RPS6KB1: variants seen among roughly 807,000 people sequenced by gnomAD.
The protein encoded by RPS6KB1 is ribosomal protein S6 kinase beta-1.
Under a neutral mutation model 70.2 loss-of-function variants are expected in RPS6KB1, and 12 were observed. That is an observed-to-expected ratio of 0.17 (90% CI 0.11 to 0.28). RPS6KB1 has a LOEUF of 0.28. Among genes scored for constraint, RPS6KB1 ranks in the 10% least tolerant of loss-of-function variants. The pLI, the probability that RPS6KB1 is intolerant of heterozygous loss-of-function variation, is 1.00. For missense variants in RPS6KB1, 270 were observed against 646.6 expected (o/e 0.42, Z 6.32); for synonymous variants, 175 against 211.2 (o/e 0.83, Z 1.49).
intron 12 of RPS6KB1, among the ~76,000 whole-genome samples, chr17:59,938,584 C>G (rs1205573041): frequency 6.6e-6 from 1 of 151,898 alleles, no homozygotes; most frequent in Non-Finnish European, 1.5e-5. Flanking sequence ...TTTCATTGAC[C>G]ATGTTCATCT....
chr17:59,900,778 A>G (rs1012177456), intron 1 of RPS6KB1, among the ~76,000 whole-genome samples: 5 of 152,102 alleles, frequency 3.3e-5, no homozygotes, highest in Non-Finnish European at 7.4e-5. Context: ...TCTGCTGCCA[A>G]GTTTTTTGTT....
intron 1 of RPS6KB1, among the ~76,000 whole-genome samples, chr17:59,906,763 C>T (rs1318158399): frequency 6.6e-6 from 1 of 151,976 alleles, no homozygotes; most frequent in African/African-American, 2.4e-5. Context: ...GGTGTGATCT[C>T]GCTCACCGCA....
At chr17:59,903,330 C>T (rs2042071041) in intron 1 of RPS6KB1, among the ~76,000 whole-genome samples, 1 of 148,930 alleles carries the variant, frequency 6.7e-6, no homozygotes, top group Non-Finnish European at 1.5e-5. Flanking sequence ...AAAAAAAGAG[C>T]CGAGCATGGT....
rs1214344803 is a variant in RPS6KB1, at chr17:59,947,726, C to T, written c.*938C>T. 10 of 666,456 alleles carry T rather than the reference C, an allele frequency of 1.5e-5. No homozygotes were observed. Among genetic ancestry groups the T allele is most frequent in the South Asian group, 1.2e-4 (7 of 57,918 alleles). The allele number at this position is 666,456 out of a possible 1,614,324, so 41.3% of individuals were successfully genotyped here. A position where few individuals can be genotyped will look rare whatever the true frequency, so the allele number is the denominator to read the frequency against. ...TCTTACACCAGTATTTGGTTCAAGACACCAAATGTCTTCAGCCCATGGCTG... is the reference window on the plus strand; with the variant it reads ...TCTTACACCAGTATTTGGTTCAAGATACCAAATGTCTTCAGCCCATGGCTG... On this transcript the variant is annotated 3_prime_UTR_variant, in exon 15 of 15. Transcript: ENST00000225577.
At chr17:59,937,830 C>T (rs1242243967) in intron 12 of RPS6KB1, among the ~76,000 whole-genome samples, 1 of 152,144 alleles carries the variant, frequency 6.6e-6, no homozygotes, top group Non-Finnish European at 1.5e-5. Flanking sequence ...ACGATTCAAC[C>T]CATAACAATA....
At chr17:59,908,369 T>A (rs1350803391) in intron 1 of RPS6KB1, among the ~76,000 whole-genome samples, 2 of 151,692 alleles carry the variant, frequency 1.3e-5, no homozygotes, top group African/African-American at 4.8e-5. Context: ...ATTTTTGTAT[T>A]TTTGTATTTT....
chr17:59,946,486 A>G lies in RPS6KB1; in HGVS notation c.1341-65A>G. ...TGTTACCCCACTCCCTTTAAACGTAAAGGAAATATGTCTTGTTGAGATGAC... is the reference window on the plus strand; with the variant it reads ...TGTTACCCCACTCCCTTTAAACGTAGAGGAAATATGTCTTGTTGAGATGAC... On this transcript the variant is annotated intron_variant, in intron 14 of 14. Transcript: ENST00000225577. This position sits in a 1 kb window ranked among gnomAD's most constrained non-coding sequence, Gnocchi z 4.2. The G allele has an allele frequency of 1.6e-6, 2 of 1,225,368 alleles. No individual in the cohort carries two copies. Among genetic ancestry groups the G allele is most frequent in the Admixed American group, 3.6e-5 (2 of 54,948 alleles). The allele number at this position is 1,225,368 out of a possible 1,614,324, so 75.9% of individuals were successfully genotyped here.
At chr17:59,927,166 T>C (rs962209883) in intron 5 of RPS6KB1, among the ~76,000 whole-genome samples, 1 of 152,124 alleles carries the variant, frequency 6.6e-6, no homozygotes, top group African/African-American at 2.4e-5. Context: ...CACTGCAACC[T>C]CTGCCTCCTG....
At chr17:59,904,598 T>C (rs1388987494) in intron 1 of RPS6KB1, among the ~76,000 whole-genome samples, 1 of 151,974 alleles carries the variant, frequency 6.6e-6, no homozygotes, top group African/African-American at 2.4e-5. Context: ...TTTGCCATGT[T>C]GGCCAGGCTG....
chr17:59,926,127 C>G (rs1287858331), intron 4 of RPS6KB1, among the ~76,000 whole-genome samples: 2 of 152,142 alleles, frequency 1.3e-5, no homozygotes, highest in African/African-American at 4.8e-5. Context: ...GCTTTCTTGG[C>G]ACAGCCTGGA....
chr17:59,927,436 A>G (rs2043675851), intron 5 of RPS6KB1, among the ~76,000 whole-genome samples: 1 of 152,136 alleles, frequency 6.6e-6, no homozygotes, highest in South Asian at 2.1e-4. Flanking sequence ...AGGATTTTGC[A>G]GTAACGTGTA....
At chr17:59,933,906 C>A (rs1435601277) in intron 7 of RPS6KB1, among the ~76,000 whole-genome samples, 3 of 152,030 alleles carry the variant, frequency 2.0e-5, no homozygotes, top group Non-Finnish European at 4.4e-5. Context: ...AAAGCTAGAG[C>A]CTTAAACAGG....
intron 5 of RPS6KB1, among the ~76,000 whole-genome samples, chr17:59,926,874 G>A (rs970022040): frequency 2.0e-5 from 3 of 152,100 alleles, no homozygotes; most frequent in Non-Finnish European, 4.4e-5. Flanking sequence ...TCAAATTGTA[G>A]TGGGGTAAGA....
At chr17:59,931,580 A>T in intron 6 of RPS6KB1, 42 bp from the exon 7 acceptor site, 1 of 1,508,902 alleles carries the variant, frequency 6.6e-7, no homozygotes, top group Non-Finnish European at 9.2e-7. Context: ...CTTTGGATAG[A>T]TTACACTCTT....
chr17:59,912,911 A>G (rs2042732912), intron 3 of RPS6KB1, 107 bp downstream of exon 3: 1 of 1,235,274 alleles, frequency 8.1e-7, no homozygotes, highest in Non-Finnish European at 1.2e-6. Flanking sequence ...TCAGCAAAGG[A>G]TGTGATCATG....
At position 59,934,824 on chromosome 17, in the gene RPS6KB1, C is replaced by T. The variant is rs2044139741; in HGVS notation, c.870+300C>T. ...AAAATCACATAGCTCACTTATCACACAGAAAGTTAATGGTGGAAACACAGG... is the reference window on the plus strand; with the variant it reads ...AAAATCACATAGCTCACTTATCACATAGAAAGTTAATGGTGGAAACACAGG... On this transcript the variant is annotated intron_variant, in intron 9 of 14. Transcript: ENST00000225577. This position sits in a 1 kb window ranked among gnomAD's most constrained non-coding sequence, Gnocchi z 4.8. The T allele has an allele frequency of 5.1e-6, 2 of 393,526 alleles. No individual in the cohort carries two copies. Among genetic ancestry groups the T allele is most frequent in the African/African-American group, 4.1e-5 (2 of 49,098 alleles). The allele number at this position is 393,526 out of a possible 1,614,324, so 24.4% of individuals were successfully genotyped here. A position where few individuals can be genotyped will look rare whatever the true frequency, so the allele number is the denominator to read the frequency against.
chr17:59,931,618 C>A lies in RPS6KB1; in HGVS notation c.588-4C>A, dbSNP rs1301398168. On this transcript the variant is annotated splice_region_variant and splice_polypyrimidine_tract_variant and intron_variant, in intron 6 of 14. Coordinates refer to ENST00000225577, the MANE Select transcript of RPS6KB1 (RefSeq NM_003161.4). ...TAATTTTATTAAATCACTTTTGTTT[C>A]CAGCTTTTACTTGGCAGAAATCTCC... 21 of 1,605,944 alleles carry A rather than the reference C, an allele frequency of 1.3e-5. No homozygotes were observed. The highest frequency in any genetic ancestry group is 1.6e-5 in the Non-Finnish European group (19 of 1,173,072).
chr17:59,905,033 C>G (rs1484005660), intron 1 of RPS6KB1, among the ~76,000 whole-genome samples: 1 of 151,814 alleles, frequency 6.6e-6, no homozygotes, highest in Non-Finnish European at 1.5e-5. Flanking sequence ...TTTTTATTTT[C>G]TTTTTTGAGA....
At chr17:59,904,981 G>A (rs968899406) in intron 1 of RPS6KB1, among the ~76,000 whole-genome samples, 1 of 151,874 alleles carries the variant, frequency 6.6e-6, no homozygotes, top group Non-Finnish European at 1.5e-5. Context: ...AGGCCTGAGC[G>A]ACTGCGCCTG....
Sources: gnomAD v4.1 joint callset for allele counts (sites outside exome capture counted in the v4.1 genomes callset) on GRCh38, gnomAD v4.1.1 for gene constraint, Gnocchi (gnomAD v3.1) non-coding constraint, MANE v1.5 for transcripts, NCBI Gene and HGNC (gene_info 2026-07-23, HGNC 2026-07-21) for gene names.